Variants in CD200R1 observed in about 807,000 individuals in gnomAD.
CD200R1 encodes cell surface glycoprotein CD200 receptor 1.
Under a neutral mutation model 38.1 loss-of-function variants are expected in CD200R1, and 30 were observed. The observed-to-expected ratio is 0.79, with a 90% CI of 0.59 to 1.07. The LOEUF is 1.07. CD200R1 is among the 50% of genes least tolerant of loss of function. CD200R1 has a pLI of 0.00. For missense variants in CD200R1, 372 were observed against 415.4 expected (o/e 0.90, Z 0.91); for synonymous variants, 128 against 152.1 (o/e 0.84, Z 1.16).
chr3:112,937,684 G>C (rs570839540), intron 2 of CD200R1, among the ~76,000 whole-genome samples: 6 of 152,020 alleles, frequency 3.9e-5, no homozygotes, highest in Non-Finnish European at 7.4e-5. Flanking sequence ...GTTATGTTTT[G>C]GTTCCATATG....
At chr3:112,971,425 T>C (rs1933306901) in intron 1 of CD200R1, among the ~76,000 whole-genome samples, 1 of 152,176 alleles carries the variant, frequency 6.6e-6, no homozygotes, top group African/African-American at 2.4e-5. Context: ...GGAATTTTCC[T>C]CCTACTTGTC....
At chr3:112,963,946 G>A (rs1227043532) in intron 1 of CD200R1, among the ~76,000 whole-genome samples, 1 of 152,198 alleles carries the variant, frequency 6.6e-6, no homozygotes, top group African/African-American at 2.4e-5. Context: ...GGTTCCCTGT[G>A]TGCCAGCTGC....
chr3:112,928,850 A>T lies in CD200R1; in HGVS notation c.735T>A (p.Thr245=). The T allele has an allele frequency of 6.2e-7, 1 of 1,613,764 alleles. No individual in the cohort carries two copies. The highest frequency in any genetic ancestry group is 8.5e-7 in the Non-Finnish European group (1 of 1,179,934). The part of the protein sequence containing the change: ...STVTCHVSHL[T]GNKSLYIELL... ...GCTCTATGTACAGACTCTTGTTGCC[A>T]GTCAAATGGGAGACGTGGCAGGTCA... Residue 245 remains threonine, a synonymous_variant, in exon 5 of 8, where the codon ACT becomes ACA. Coordinates refer to ENST00000308611, the MANE Select transcript of CD200R1 (RefSeq NM_138806.4).
intron 1 of CD200R1, among the ~76,000 whole-genome samples, chr3:112,951,702 CTAATAA>C (rs1322551352): frequency 1.3e-5 from 2 of 150,334 alleles, no homozygotes; most frequent in Non-Finnish European, 3.0e-5. Flanking sequence ...ATATAAAATA[CTAATAA>C]TATTTTAAAA....
Position 112,971,203 on chromosome 3 carries a change from T to A in CD200R1, c.67+3588A>T, listed in dbSNP as rs376139800. Among the ~76,000 whole-genome samples, 9 of 152,296 alleles carry A rather than the reference T, an allele frequency of 5.9e-5. No individual in the cohort carries two copies. In the East Asian group the frequency reaches 1.5e-3, roughly 26 times the overall value. ...CCTATGTACAATCTCTCACATACTT[T>A]CAATCATCTCTAGATTGCTATAAAA... is the stretch of plus-strand genomic sequence containing the variant. On this transcript the variant is annotated intron_variant, in intron 1 of 7. Coordinates refer to ENST00000308611, the MANE Select transcript of CD200R1 (RefSeq NM_138806.4).
chr3:112,927,831 A>G (rs1182037813), intron 5 of CD200R1, among the ~76,000 whole-genome samples: 4 of 152,214 alleles, frequency 2.6e-5, no homozygotes, highest in Non-Finnish European at 4.4e-5. Flanking sequence ...AGGCTTAGTG[A>G]TAGTTCACGA....
At chr3:112,944,651 A>G (rs1294039743) in intron 2 of CD200R1, among the ~76,000 whole-genome samples, 1 of 152,070 alleles carries the variant, frequency 6.6e-6, no homozygotes, top group Admixed American at 6.5e-5. Context: ...GCAATAAGAC[A>G]AGAAAAAATA....
intron 1 of CD200R1, among the ~76,000 whole-genome samples, chr3:112,964,145 T>C (rs1576153466): frequency 6.6e-6 from 1 of 152,330 alleles, no homozygotes; most frequent in South Asian, 2.1e-4. Flanking sequence ...AGGCAGAAGT[T>C]TGCTGCAGGG....
chr3:112,939,669 T>A (rs1940676546), intron 2 of CD200R1, among the ~76,000 whole-genome samples: 1 of 151,858 alleles, frequency 6.6e-6, no homozygotes, highest in South Asian at 2.1e-4. Context: ...AGACATCCCA[T>A]ATTCATGGAC....
At chr3:112,933,044 C>A (rs2107308740) in intron 2 of CD200R1, among the ~76,000 whole-genome samples, 1 of 152,240 alleles carries the variant, frequency 6.6e-6, no homozygotes, top group East Asian at 1.9e-4. Context: ...CCCCCAGGAA[C>A]TGAGAAACAG....
intron 7 of CD200R1, among the ~76,000 whole-genome samples, chr3:112,924,166 A>G (rs1399443876): frequency 6.6e-6 from 1 of 151,874 alleles, no homozygotes; most frequent in African/African-American, 2.4e-5. Context: ...TAGTATTGAA[A>G]AGGAAAAGTC....
intron 4 of CD200R1, 35 bp downstream of exon 4, chr3:112,929,155 T>C (rs369167653): frequency 1.2e-6 from 2 of 1,612,878 alleles, no homozygotes; most frequent in African/African-American, 2.7e-5. Flanking sequence ...ACAAATCTGG[T>C]GATGTGAAAT....
Position 112,922,495 on chromosome 3 carries a change from T to C in CD200R1, c.*1182A>G, listed in dbSNP as rs964159396. ...TCTATGGTGCATTTTTCGCCACTTA[T>C]ATGGTCAATAGACATTAATTATTCA... On this transcript the variant is annotated 3_prime_UTR_variant, in exon 8 of 8. Transcript: ENST00000308611. The C allele has an allele frequency of 6.6e-6, 1 of 151,908 alleles. No homozygotes were observed. Among genetic ancestry groups the C allele is most frequent in the Non-Finnish European group, 1.5e-5 (1 of 67,888 alleles). The allele number at this position is 151,908 out of a possible 1,614,324, so 9.4% of individuals were successfully genotyped here.
chr3:112,929,641 TA>T, intron 3 of CD200R1, 134 bp from the exon 4 acceptor site: 11 of 772,820 alleles, frequency 1.4e-5, no homozygotes, highest in Non-Finnish European at 2.1e-5. Flanking sequence ...TAGACCTTCA[TA>T]AAAAATTAAA....
In CD200R1 at chr3:112,922,492, T is replaced by C. The variant is rs372552169; in HGVS notation, c.*1185A>G. ...TCCTCTATGGTGCATTTTTCGCCAC[T>C]TATATGGTCAATAGACATTAATTAT... On this transcript the variant is annotated 3_prime_UTR_variant, in exon 8 of 8. Coordinates refer to ENST00000308611, the MANE Select transcript of CD200R1 (RefSeq NM_138806.4). 6 of 152,050 alleles carry C rather than the reference T, an allele frequency of 3.9e-5. No homozygotes were observed. Among genetic ancestry groups the C allele is most frequent in the South Asian group, 2.1e-4 (1 of 4,824 alleles). The allele number at this position is 152,050 out of a possible 1,614,324, so 9.4% of individuals were successfully genotyped here.
In CD200R1 at chr3:112,923,648, GTTGTTTC is replaced by G. The variant is rs781580669; in HGVS notation, c.*22_*28del. On this transcript the variant is annotated 3_prime_UTR_variant, in exon 8 of 8. Coordinates refer to ENST00000308611, the MANE Select transcript of CD200R1 (RefSeq NM_138806.4). The stretch of plus-strand genomic sequence containing the variant: ...GTAATTATAATGTATCTCGTTTGTT[GTTGTTTC>G]TTGGTACTAGAGTCCAACAACTTAT... 1 of 1,070,710 alleles carries G rather than the reference GTTGTTTC, an allele frequency of 9.3e-7. No homozygotes were observed. Among genetic ancestry groups the G allele is most frequent in the Admixed American group, 1.9e-5 (1 of 52,194 alleles). 66.3% of individuals were successfully genotyped at this position (1,070,710 alleles called of 1,614,324 possible).
intron 2 of CD200R1, among the ~76,000 whole-genome samples, chr3:112,936,025 C>T (rs1209623426): frequency 6.6e-6 from 1 of 152,108 alleles, no homozygotes; most frequent in African/African-American, 2.4e-5. Flanking sequence ...CATTCAGCTC[C>T]CACTTATAAG....
chr3:112,974,291 G>A (rs1933382747), intron 1 of CD200R1, among the ~76,000 whole-genome samples: 1 of 152,074 alleles, frequency 6.6e-6, no homozygotes, highest in Admixed American at 6.6e-5. Context: ...TTAAAAATTA[G>A]CCAAGCATAG....
In CD200R1 at chr3:112,928,934, GCTCCAGTATTCTTGCTTAGTGGCA is replaced by G; in HGVS notation, c.627_650del (p.Ala210_Ser217del). 6.2e-7 allele frequency: 1 copy of G among 1,614,012 alleles called. No individual in the cohort carries two copies. ...TACTCTTAACAGTCACTGTGCCATT[GCTCCAGTATTCTTGCTTAGTGGCA>G]CAATCGCCCTCTGGGATCCAGGAGA... On this transcript the variant is annotated inframe_deletion, in exon 5 of 8. Coordinates refer to ENST00000308611, the MANE Select transcript of CD200R1 (RefSeq NM_138806.4).
Sources: allele counts gnomAD v4.1 joint callset (sites outside exome capture counted in the v4.1 genomes callset), GRCh38; gene constraint gnomAD v4.1.1; transcripts MANE v1.5; gene names NCBI Gene and HGNC (gene_info 2026-07-23, HGNC 2026-07-21).